The following CREBRF variants were observed in gnomAD, a reference collection of about 807,000 sequenced individuals.
CREBRF encodes CREB3 regulatory factor.
Under a neutral mutation model 66.1 loss-of-function variants are expected in CREBRF, and 5 were observed. That is an observed-to-expected ratio of 0.08 (90% CI 0.04 to 0.16). The LOEUF (loss-of-function observed/expected upper bound fraction) is 0.16. CREBRF is among the 10% of genes least tolerant of loss of function. The probability of loss-of-function intolerance (pLI) is 1.00; values close to 1 mark genes in which losing one functional copy is unlikely to be tolerated. For missense variants in CREBRF, 531 were observed against 744.9 expected (o/e 0.71, Z 3.34); for synonymous variants, 229 against 264.4 (o/e 0.87, Z 1.30).
intron 1 of CREBRF, 67 bp downstream of exon 1, chr5:173,056,546 G>T (rs1757046898): frequency 7.5e-6 from 3 of 397,534 alleles, no homozygotes; most frequent in Non-Finnish European, 8.9e-6. Context: ...GGAACGGGGG[G>T]CGGAGGGCCG....
In CREBRF at chr5:173,091,192, C is replaced by T. The variant is rs1355899619; in HGVS notation, c.1013C>T (p.Ser338Phe). ...SSQKKEEHNY[S>F]LFVSDNLGEQ... ...CAGAAAAAAGAAGAGCACAATTATT[C>T]TCTTTTTGTCTCCGACAACTTGGGT... Residue 338 changes from serine to phenylalanine, a missense_variant, in exon 4 of 9, where the codon TCT becomes TTT. Around this residue, in one of 5 missense-constraint regions of CREBRF, gnomAD observed 309 missense variants for 341.4 expected, o/e 0.90. Coordinates refer to ENST00000296953, the MANE Select transcript of CREBRF (RefSeq NM_153607.3). The T allele has an allele frequency of 6.2e-7, 1 of 1,614,164 alleles. No homozygotes were observed. Among genetic ancestry groups the T allele is most frequent in the Non-Finnish European group, 8.5e-7 (1 of 1,180,030 alleles).
chr5:173,123,976 T>A (rs1393853034), intron 8 of CREBRF: 2 of 152,188 alleles, frequency 1.3e-5, no homozygotes, highest in Non-Finnish European at 2.9e-5. Context: ...CTATTTTAAT[T>A]TTTTATGTAT....
intron 1 of CREBRF, among the ~76,000 whole-genome samples, chr5:173,077,079 G>A (rs1336699207): frequency 1.3e-5 from 2 of 151,660 alleles, no homozygotes; most frequent in Admixed American, 6.6e-5. Context: ...AAGTAACTGG[G>A]ATTACAGGCG....
chr5:173,071,253 C>T (rs557178770), intron 1 of CREBRF, among the ~76,000 whole-genome samples: 1 of 152,170 alleles, frequency 6.6e-6, no homozygotes, highest in African/African-American at 2.4e-5. Flanking sequence ...CTTTTGTTGC[C>T]CAAGCTGGAG....
intron 5 of CREBRF, 146 bp from the exon 6 acceptor site, chr5:173,110,376 G>A: frequency 1.4e-6 from 1 of 725,296 alleles, no homozygotes; most frequent in Non-Finnish European, 2.5e-6. Context: ...AGGATAGATT[G>A]TTAAACATGC....
chr5:173,131,450 C>T (rs925468937), intron 8 of CREBRF, among the ~76,000 whole-genome samples: 1 of 152,120 alleles, frequency 6.6e-6, no homozygotes, highest in East Asian at 1.9e-4. Flanking sequence ...CATATCTCTT[C>T]TTTTGTTTTC....
At position 173,086,614 on chromosome 5, in the gene CREBRF, C is replaced by G; in HGVS notation, c.123C>G (p.Phe41Leu). 1 of 1,610,572 alleles carries G rather than the reference C, an allele frequency of 6.2e-7. No individual in the cohort carries two copies. Among genetic ancestry groups the G allele is most frequent in the Non-Finnish European group, 8.5e-7 (1 of 1,178,576 alleles). The change falls in exon 3 of 9, where the codon TTC (phenylalanine) becomes TTG (leucine). Residue 41 changes from phenylalanine (F) to leucine (L), a missense_variant. Coordinates refer to ENST00000296953, the MANE Select transcript of CREBRF (RefSeq NM_153607.3). Reference sequence around the variant, plus strand: ...TAGCAAACAGTTCGGATCCAGATTTCATGTATGAACTGGTAAGCAACATTT... The same window carrying G: ...TAGCAAACAGTTCGGATCCAGATTTGATGTATGAACTGGTAAGCAACATTT... ...DLLANSSDPD[F>L]MYELDREMNY...
chr5:173,119,303 G>A (rs1354186867), intron 7 of CREBRF, among the ~76,000 whole-genome samples: 1 of 152,114 alleles, frequency 6.6e-6, no homozygotes, highest in Non-Finnish European at 1.5e-5. Flanking sequence ...TCCGATCCAT[G>A]GACCTGGTAT....
chr5:173,085,836 T>C, intron 2 of CREBRF: 2 of 785,756 alleles, frequency 2.5e-6, no homozygotes, highest in Non-Finnish European at 4.7e-6. Context: ...TGTTTGTTCT[T>C]GGCAAGTTTC....
intron 4 of CREBRF, among the ~76,000 whole-genome samples, chr5:173,106,314 C>G (rs1758750095): frequency 6.6e-6 from 1 of 151,850 alleles, no homozygotes; most frequent in African/African-American, 2.4e-5. Flanking sequence ...CCTGTAGTCC[C>G]AGCTACTCAG....
Position 173,058,519 on chromosome 5 carries a change from T to C in CREBRF, c.-192+2040T>C, listed in dbSNP as rs191297850. 1.6e-3 allele frequency among the ~76,000 whole-genome samples: 244 copies of C among 152,234 alleles called. 1 individual carries two copies. Among genetic ancestry groups the C allele is most frequent in the Non-Finnish European group, 2.7e-3 (183 of 68,000 alleles). On this transcript the variant is annotated intron_variant, in intron 1 of 8. Coordinates refer to ENST00000296953, the MANE Select transcript of CREBRF (RefSeq NM_153607.3). ...TTTAATTTGAGACGGAGTCTCGCTC[T>C]GTCGCCCAGGCTGGAGAGCAGTGGC... is the stretch of plus-strand genomic sequence containing the variant.
chr5:173,110,754 G>A (rs779490107), intron 6 of CREBRF, 43 bp downstream of exon 6: 1 of 1,490,774 alleles, frequency 6.7e-7, no homozygotes, highest in Admixed American at 2.1e-5. Context: ...AAGTTTAGGA[G>A]GTGAGGTTAG....
chr5:173,072,945 G>A (rs1006144185), intron 1 of CREBRF, among the ~76,000 whole-genome samples: 1 of 152,176 alleles, frequency 6.6e-6, no homozygotes, highest in Admixed American at 6.5e-5. Context: ...AGTAGGGGAG[G>A]AGAATTTAAA....
At chr5:173,078,404 A>G (rs1041450453) in intron 1 of CREBRF, among the ~76,000 whole-genome samples, 7 of 152,122 alleles carry the variant, frequency 4.6e-5, no homozygotes, top group Admixed American at 1.3e-4. Flanking sequence ...GATTCTGGCC[A>G]TCATATACAA....
intron 1 of CREBRF, among the ~76,000 whole-genome samples, chr5:173,065,801 CCCAG>C (rs1757419480): frequency 6.6e-6 from 1 of 151,592 alleles, no homozygotes; most frequent in African/African-American, 2.4e-5. Context: ...TGCCACCATG[CCCAG>C]CTAATTTTTT....
At chr5:173,062,889 A>C (rs982885858) in intron 1 of CREBRF, among the ~76,000 whole-genome samples, 3 of 150,644 alleles carry the variant, frequency 2.0e-5, no homozygotes, top group African/African-American at 7.3e-5. Context: ...CTGGGACTAC[A>C]GGCGCCCGCC....
rs1759550338 is a variant in CREBRF at position 173,134,788 on chromosome 5, A to T, written c.*1043A>T. 1 of 152,464 alleles carries T rather than the reference A, an allele frequency of 6.6e-6. No homozygotes were observed. The highest frequency in any genetic ancestry group is 1.5e-5 in the Non-Finnish European group (1 of 67,956). 9.4% of individuals were successfully genotyped at this position (152,464 alleles called of 1,614,324 possible). ...AAAAAAGGTCAGGGTTAGGGATCTT[A>T]CTGAACTGTGAATTTTATTTCTGTT... On this transcript the variant is annotated 3_prime_UTR_variant, in exon 9 of 9. Transcript: ENST00000296953.
intron 3 of CREBRF, 26 bp downstream of exon 3, chr5:173,086,652 T>C (rs1328252745): frequency 6.3e-7 from 1 of 1,586,866 alleles, no homozygotes; most frequent in East Asian, 2.3e-5. Flanking sequence ...TTGGTTTTGG[T>C]CTTGATTGAT....
chr5:173,057,043 G>T (rs1757074402), intron 1 of CREBRF, among the ~76,000 whole-genome samples: 1 of 152,194 alleles, frequency 6.6e-6, no homozygotes, highest in South Asian at 2.1e-4. Flanking sequence ...CGTCTCGGGG[G>T]TAGCCGCTCC....
Sources: gnomAD v4.1 joint callset for allele counts (sites outside exome capture counted in the v4.1 genomes callset) on GRCh38, gnomAD v4.1.1 for gene constraint, gnomAD v4.1.1 regional missense constraint, MANE v1.5 for transcripts, NCBI Gene and HGNC (gene_info 2026-07-23, HGNC 2026-07-21) for gene names.